The following UNC13C variants were observed in gnomAD, a reference collection of about 807,000 sequenced individuals.
The protein encoded by UNC13C is unc-13 homolog C, also known as protein unc-13 homolog C.
UNC13C carries 174 observed loss-of-function variants against 245.4 expected under a neutral mutation model. That is an observed-to-expected ratio of 0.71 (90% CI 0.63 to 0.80). The LOEUF (loss-of-function observed/expected upper bound fraction) is 0.80, where lower values mean the gene tolerates loss of function less well. UNC13C is among the 30% of genes least tolerant of loss of function. The pLI is 0.00. For synonymous variants in UNC13C, 992 were observed against 895.1 expected (o/e 1.11, Z -1.93); for missense variants, 2,829 against 2,602.9 (o/e 1.09, Z -1.89).
chr15:54,548,002 T>C (rs531353844), intron 27 of UNC13C, among the ~76,000 whole-genome samples: 1 of 152,192 alleles, frequency 6.6e-6, no homozygotes, highest in African/African-American at 2.4e-5. Context: ...AGCTCTCACC[T>C]TGGCTACTTC....
intron 17 of UNC13C, among the ~76,000 whole-genome samples, chr15:54,342,472 G>C (rs1326721169): frequency 6.6e-6 from 1 of 151,810 alleles, no homozygotes; most frequent in East Asian, 1.9e-4. Context: ...GGTTAAGGTG[G>C]TTAGAGTGAG....
At chr15:53,917,172 T>C in the UNC13C span, among the ~76,000 whole-genome samples, 3 of 152,196 alleles carry the variant, frequency 2.0e-5, no homozygotes, top group African/African-American at 4.8e-5. Context: ...ACACTATCAC[T>C]ATGGGTTATA....
intron 4 of UNC13C, among the ~76,000 whole-genome samples, chr15:54,191,637 A>C (rs11071055): frequency 0.17 from 25,227 of 152,098 alleles, 2,630 homozygotes; most frequent in East Asian, 0.24. Flanking sequence ...ACTGTCTTCC[A>C]CAATGATTGA....
At chr15:53,986,952 T>C (rs563953961) in intron 1 of UNC13C, among the ~76,000 whole-genome samples, 2 of 152,162 alleles carry the variant, frequency 1.3e-5, no homozygotes, top group Admixed American at 6.5e-5. Context: ...AACAATTAAC[T>C]AATTTATCAT....
At chr15:54,172,725 T>G (rs1434258401) in intron 4 of UNC13C, among the ~76,000 whole-genome samples, 22 of 30,440 alleles carry the variant, frequency 7.2e-4, no homozygotes, top group Non-Finnish European at 1.0e-3. Context: ...TATATATATA[T>G]ATATATATAT....
intron 4 of UNC13C, among the ~76,000 whole-genome samples, chr15:54,203,496 A>G (rs1286790534): frequency 2.9e-5 from 4 of 139,914 alleles, no homozygotes; most frequent in African/African-American, 8.5e-5. Context: ...ATATATATAT[A>G]TATATATACA....
intron 7 of UNC13C, 32 bp downstream of exon 7, chr15:54,237,722 C>G (rs1209263928): frequency 6.9e-6 from 10 of 1,457,002 alleles, no homozygotes; most frequent in Non-Finnish European, 9.5e-6. Context: ...TAATATCTAA[C>G]TAGATATTGC....
At chr15:53,911,954 G>T in the UNC13C span, 1 of 152,296 alleles carries the variant, frequency 6.6e-6, no homozygotes, top group Non-Finnish European at 1.5e-5. Flanking sequence ...TATTGCTATG[G>T]CAGCCCTTGG....
At chr15:54,253,108 A>G (rs1221154225) in intron 8 of UNC13C, among the ~76,000 whole-genome samples, 1 of 152,224 alleles carries the variant, frequency 6.6e-6, no homozygotes, top group East Asian at 1.9e-4. Flanking sequence ...CACACATGCT[A>G]AAAGAAATTA....
chr15:53,998,459 A>G (rs1894734928), intron 1 of UNC13C, among the ~76,000 whole-genome samples: 2 of 152,138 alleles, frequency 1.3e-5, no homozygotes, highest in Non-Finnish European at 2.9e-5. Context: ...ATTTATCTAT[A>G]CTGAGCTTAT....
At chr15:54,078,029 T>C (rs1898730781) in intron 2 of UNC13C, among the ~76,000 whole-genome samples, 1 of 152,170 alleles carries the variant, frequency 6.6e-6, no homozygotes. Flanking sequence ...TTTATGTCCA[T>C]GTGTACTCAT....
intron 30 of UNC13C, among the ~76,000 whole-genome samples, chr15:54,588,954 AG>A (rs1898628969): frequency 6.6e-6 from 1 of 152,164 alleles, no homozygotes; most frequent in Non-Finnish European, 1.5e-5. Flanking sequence ...TGCATGTGCA[AG>A]TATCTTTTTC....
chr15:53,966,512 T>C, the UNC13C span, among the ~76,000 whole-genome samples: 1 of 152,208 alleles, frequency 6.6e-6, no homozygotes, highest in Non-Finnish European at 1.5e-5. Flanking sequence ...TTTGTTTGTG[T>C]TGGATGAATG....
chr15:54,434,457 C>T (rs2140980162), intron 19 of UNC13C, among the ~76,000 whole-genome samples: 1 of 151,888 alleles, frequency 6.6e-6, no homozygotes, highest in South Asian at 2.1e-4. Context: ...TGATCTTCAA[C>T]AAAATGACAA....
chr15:54,016,645 A>G (rs776719840), intron 2 of UNC13C, among the ~76,000 whole-genome samples: 14 of 152,188 alleles, frequency 9.2e-5, no homozygotes, highest in Non-Finnish European at 1.9e-4. Context: ...ACAACTTTGG[A>G]TTATATACTT....
intron 4 of UNC13C, among the ~76,000 whole-genome samples, chr15:54,176,588 G>T (rs1033321256): frequency 6.6e-6 from 1 of 152,118 alleles, no homozygotes; most frequent in South Asian, 2.1e-4. Flanking sequence ...TTCTTAAGTA[G>T]CAAATTATGA....
chr15:54,173,644 C>T (rs1051775341), intron 4 of UNC13C, among the ~76,000 whole-genome samples: 15 of 151,640 alleles, frequency 9.9e-5, no homozygotes, highest in Non-Finnish European at 1.6e-4. Flanking sequence ...TGTATATGCC[C>T]TTGTTATCCA....
chr15:54,292,982 T>A (rs769605475), intron 10 of UNC13C, among the ~76,000 whole-genome samples: 1 of 149,936 alleles, frequency 6.7e-6, no homozygotes, highest in Non-Finnish European at 1.5e-5. Flanking sequence ...ATATAATATG[T>A]ATATTCTCCT....
intron 17 of UNC13C, among the ~76,000 whole-genome samples, chr15:54,378,522 A>C (rs188547754): frequency 3.8e-4 from 58 of 152,052 alleles, no homozygotes; most frequent in African/African-American, 1.3e-3. Context: ...CCATAAACTT[A>C]ATTAAATGTA....
Sources: gnomAD v4.1 joint callset for allele counts (sites outside exome capture counted in the v4.1 genomes callset) on GRCh38, gnomAD v4.1.1 for gene constraint, MANE v1.5 for transcripts, NCBI Gene and HGNC (gene_info 2026-07-23, HGNC 2026-07-21) for gene names.